ATP8A1: variants seen among roughly 807,000 people sequenced by gnomAD.
ATP8A1 encodes the protein phospholipid-transporting ATPase IA.
ATP8A1 carries 90 observed loss-of-function variants against 177.7 expected under a neutral mutation model. The observed-to-expected ratio is 0.51, with a 90% CI of 0.43 to 0.60. The LOEUF is 0.60. Ranked by LOEUF, ATP8A1 falls within the 20% of genes least tolerant of loss-of-function variation. ATP8A1 has a pLI of 0.00. For synonymous variants in ATP8A1, 493 were observed against 485.9 expected, an observed-to-expected ratio of 1.01 and a Z score of -0.19; for missense variants, 1,072 against 1,392.8, an observed-to-expected ratio of 0.77 and a Z score of 3.67.
intron 15 of ATP8A1, among the ~76,000 whole-genome samples, chr4:42,557,578 T>C (rs1013189369): frequency 1.3e-5 from 2 of 152,228 alleles, no homozygotes; most frequent in African/African-American, 4.8e-5. Context: ...AATCAGTTAC[T>C]ATAATTGACT....
chr4:42,585,906 A>G (rs1457591202), intron 9 of ATP8A1, among the ~76,000 whole-genome samples: 1 of 152,190 alleles, frequency 6.6e-6, no homozygotes, highest in Non-Finnish European at 1.5e-5. Context: ...GAGACAATAA[A>G]TTATCCAGTA....
At chr4:42,450,496 C>A (rs1717819668) in intron 30 of ATP8A1, among the ~76,000 whole-genome samples, 2 of 152,268 alleles carry the variant, frequency 1.3e-5, no homozygotes, top group South Asian at 4.2e-4. Flanking sequence ...TATGTCAAAG[C>A]CAAACAAGCA....
chr4:42,648,347 A>C (rs1036096411), intron 1 of ATP8A1, among the ~76,000 whole-genome samples: 1 of 151,992 alleles, frequency 6.6e-6, no homozygotes, highest in South Asian at 2.1e-4. Context: ...GGACCAAAAT[A>C]AAGAGAGGTG....
intron 5 of ATP8A1, among the ~76,000 whole-genome samples, chr4:42,608,520 T>C (rs765384153): frequency 2.6e-5 from 4 of 152,000 alleles, no homozygotes; most frequent in Non-Finnish European, 5.9e-5. Flanking sequence ...CCACCACACC[T>C]GGCTAATTTT....
chr4:42,592,683 T>A (rs929489991), intron 6 of ATP8A1, among the ~76,000 whole-genome samples: 34 of 152,142 alleles, frequency 2.2e-4, no homozygotes, highest in Non-Finnish European at 4.1e-4. Flanking sequence ...TGTGTGAGCA[T>A]CATAGAGGGT....
At chr4:42,430,813 C>G (rs946630187) in intron 33 of ATP8A1, among the ~76,000 whole-genome samples, 5 of 152,132 alleles carry the variant, frequency 3.3e-5, no homozygotes, top group Admixed American at 2.0e-4. Context: ...CTTCCACCAC[C>G]CTGCAGTCTT....
At chr4:42,629,043 G>A (rs1738433785) in intron 1 of ATP8A1, among the ~76,000 whole-genome samples, 1 of 152,172 alleles carries the variant, frequency 6.6e-6, no homozygotes, top group Admixed American at 6.5e-5. Flanking sequence ...ACTGGATATT[G>A]CTATCCACTG....
Position 42,522,244 on chromosome 4 carries a change from C to G in ATP8A1, c.1863G>C (p.Glu621Asp). Residue 621 changes from glutamate to aspartate, a missense_variant, in exon 22 of 37, where the codon GAG becomes GAC. Physicochemically the swap from Glu to Asp is conservative, Grantham distance 45. Around this residue, in one of 5 missense-constraint regions of ATP8A1, gnomAD observed 388 missense variants for 471.7 expected, o/e 0.82. Coordinates refer to ENST00000381668, the MANE Select transcript of ATP8A1 (RefSeq NM_006095.2). ...VAEISESDFQ[E>D]WRAVYQRAST... ...ATGCTCGCTGATAGACTGCTCGCCA[C>G]TCCTGAAAGTCGCTCTCTGAAATCT... The G allele has an allele frequency of 6.2e-7, 1 of 1,613,810 alleles. No individual in the cohort carries two copies. The highest frequency in any genetic ancestry group is 1.1e-5 in the South Asian group (1 of 91,056).
chr4:42,636,158 G>GTGCGCGCGCGCGCA (rs1739360341), intron 1 of ATP8A1, among the ~76,000 whole-genome samples: 1 of 23,726 alleles, frequency 4.2e-5, no homozygotes, highest in Non-Finnish European at 1.2e-4. Flanking sequence ...ACACACACAC[G>GTGCGCGCGCGCGCA]CACACACACA....
chr4:42,527,335 C>T (rs952951676), intron 20 of ATP8A1, among the ~76,000 whole-genome samples: 4 of 152,040 alleles, frequency 2.6e-5, no homozygotes, highest in African/African-American at 7.2e-5. Context: ...AATGGGACCC[C>T]GCAACTTGGA....
chr4:42,503,604 A>G lies in ATP8A1; in HGVS notation c.2087-90T>C, dbSNP rs572195299. ...AATGATATGTACTATGAAAATATCT[A>G]AAGATGATTTTATAATGACTGAGGG... On this transcript the variant is annotated intron_variant, in intron 23 of 36. Coordinates refer to ENST00000381668, the MANE Select transcript of ATP8A1 (RefSeq NM_006095.2). 125 of 841,330 alleles carry G rather than the reference A, an allele frequency of 1.5e-4. No homozygotes were observed. In the African/African-American group the frequency reaches 2.0e-3, roughly 14 times the overall value. The allele number at this position is 841,330 out of a possible 1,614,324, so 52.1% of individuals were successfully genotyped here.
intron 9 of ATP8A1, 51 bp from the exon 10 acceptor site, chr4:42,581,783 G>C: frequency 2.2e-6 from 3 of 1,341,460 alleles, no homozygotes; most frequent in Non-Finnish European, 3.2e-6. Flanking sequence ...AAATGCTTAA[G>C]AACTCTAGTT....
intron 4 of ATP8A1, among the ~76,000 whole-genome samples, chr4:42,620,185 C>A (rs1484196865): frequency 6.6e-6 from 1 of 152,124 alleles, no homozygotes; most frequent in African/African-American, 2.4e-5. Flanking sequence ...AGCTCTTTGT[C>A]CAACTATCTA....
intron 24 of ATP8A1, among the ~76,000 whole-genome samples, chr4:42,494,683 G>T (rs1723089937): frequency 6.6e-6 from 1 of 152,122 alleles, no homozygotes; most frequent in African/African-American, 2.4e-5. Flanking sequence ...ACTAACCACT[G>T]ATTTTCTCTC....
rs61272438 is a variant in ATP8A1, at chr4:42,462,864, A to G, written c.2619+1826T>C. Among the ~76,000 whole-genome samples, 973 of 152,278 alleles carry G rather than the reference A, an allele frequency of 6.4e-3. 11 individuals carry two copies. Among genetic ancestry groups the G allele is most frequent in the African/African-American group, 0.022 (924 of 41,566 alleles). ...CCTACCTCTTGCATGCTTGACCTGG[A>G]TGTGAGACGTGGAGTCAAAGGAGAT... is the stretch of plus-strand genomic sequence containing the variant. On this transcript the variant is annotated intron_variant, in intron 27 of 36. Coordinates refer to ENST00000381668, the MANE Select transcript of ATP8A1 (RefSeq NM_006095.2).
chr4:42,578,467 T>C (rs555086161), intron 11 of ATP8A1, 80 bp from the exon 12 acceptor site: 16 of 1,486,946 alleles, frequency 1.1e-5, no homozygotes, highest in South Asian at 7.6e-5. Context: ...TAATACAAGT[T>C]TTCCATACTA....
At chr4:42,474,092 C>T (rs977023437) in intron 25 of ATP8A1, among the ~76,000 whole-genome samples, 5 of 152,126 alleles carry the variant, frequency 3.3e-5, no homozygotes, top group African/African-American at 1.2e-4. Context: ...ATTGGTCGCA[C>T]AGACTATTGA....
intron 31 of ATP8A1, among the ~76,000 whole-genome samples, chr4:42,445,983 G>C (rs1717171715): frequency 6.6e-6 from 1 of 150,578 alleles, no homozygotes; most frequent in Non-Finnish European, 1.5e-5. Flanking sequence ...AGGAGGCTGA[G>C]GCAGGAGAAT....
At chr4:42,413,966 C>T (rs1712926655) in intron 36 of ATP8A1, among the ~76,000 whole-genome samples, 1 of 152,278 alleles carries the variant, frequency 6.6e-6, no homozygotes, top group Non-Finnish European at 1.5e-5. Context: ...CTCACTCACG[C>T]CCCGACATGG....
Sources: allele counts gnomAD v4.1 joint callset (sites outside exome capture counted in the v4.1 genomes callset), GRCh38; gene constraint gnomAD v4.1.1; regional missense constraint gnomAD v4.1.1; transcripts MANE v1.5; gene names NCBI Gene and HGNC (gene_info 2026-07-23, HGNC 2026-07-21).